Variants in BRF1 observed in about 807,000 individuals in gnomAD.
BRF1 encodes the protein BRF1 general transcription factor IIIB subunit.
A neutral mutation model predicts 81.7 loss-of-function variants in BRF1; 59 were observed. That is an observed-to-expected ratio of 0.72 (90% CI 0.59 to 0.90). BRF1 has a LOEUF of 0.90. Among genes scored for constraint, BRF1 ranks in the 40% least tolerant of loss-of-function variants. The pLI is 0.00. For missense variants in BRF1, 1,050 were observed against 936.3 expected (o/e 1.12, Z -1.58); for synonymous variants, 491 against 395.6 (o/e 1.24, Z -2.86).
At chr14:105,308,472 A>G (rs919548980) in intron 1 of BRF1, among the ~76,000 whole-genome samples, 1 of 148,270 alleles carries the variant, frequency 6.7e-6, no homozygotes, top group Non-Finnish European at 1.5e-5. Flanking sequence ...CGACAGAGGC[A>G]GATTCTGTCT....
rs778728625 is a variant in BRF1, at chr14:105,210,608, T to C, written c.1997-20A>G. 2.5e-6 allele frequency: 4 copies of C among 1,610,704 alleles called. No homozygotes were observed. The highest frequency in any genetic ancestry group is 3.4e-6 in the Non-Finnish European group (4 of 1,179,730). ...CATAGTCTGCAGAAGAGCACAGTCA[T>C]GAAGCCCAGGGTCTCTGTGGGACCC... is the stretch of plus-strand genomic sequence containing the variant. On this transcript the variant is annotated intron_variant, in intron 17 of 17. Transcript: ENST00000547530. This position sits in a 1 kb window ranked among gnomAD's most constrained non-coding sequence, Gnocchi z 4.7.
intron 3 of BRF1, among the ~76,000 whole-genome samples, chr14:105,264,106 T>G (rs1283223474): frequency 3.9e-5 from 6 of 151,978 alleles, no homozygotes; most frequent in Admixed American, 3.9e-4. Context: ...CCACAAATGA[T>G]TCAACTATTT....
At chr14:105,300,228 T>A (rs932489270) in intron 1 of BRF1, among the ~76,000 whole-genome samples, 3 of 152,090 alleles carry the variant, frequency 2.0e-5, no homozygotes, top group Non-Finnish European at 4.4e-5. Flanking sequence ...CCCACGCGTG[T>A]GTCGAGGAAG....
chr14:105,223,953 T>TA (rs1323369930), intron 10 of BRF1, among the ~76,000 whole-genome samples: 1 of 152,218 alleles, frequency 6.6e-6, no homozygotes, highest in African/African-American at 2.4e-5. Context: ...ACTAACCCAA[T>TA]AATGCCGCAC....
At chr14:105,224,295 C>T (rs1461715433) in intron 10 of BRF1, among the ~76,000 whole-genome samples, 1 of 152,144 alleles carries the variant, frequency 6.6e-6, no homozygotes, top group African/African-American at 2.4e-5. Flanking sequence ...CTTCAAACTA[C>T]AGGGTAGAGG....
rs1688406217 is a variant in BRF1, at chr14:105,288,079, A to AC, written c.185-1704dup. On this transcript the variant is annotated intron_variant, in intron 1 of 17. Transcript: ENST00000547530. ...GGGACGGGGGCAGTGCCTGGAGACT[A>AC]CCTAGGTTGTCACAACTGGGATCTA... 7.2e-5 allele frequency among the ~76,000 whole-genome samples: 11 copies of AC among 152,334 alleles called. No individual in the cohort carries two copies. In the South Asian group the frequency reaches 2.3e-3, roughly 32 times the overall value.
At chr14:105,268,348 G>C (rs2056512945) in intron 3 of BRF1, among the ~76,000 whole-genome samples, 1 of 152,248 alleles carries the variant, frequency 6.6e-6, no homozygotes, top group Non-Finnish European at 1.5e-5. Context: ...CAGCCTCCCT[G>C]GGCTGGGAGC....
chr14:105,314,441 C>T (rs1164214395), intron 1 of BRF1: 1 of 148,650 alleles, frequency 6.7e-6, no homozygotes, highest in Non-Finnish European at 1.5e-5. Flanking sequence ...TCTCCCGGCC[C>T]TTGCCCGCGG....
Position 105,220,098 on chromosome 14 carries a change from T to C in BRF1, c.1348A>G (p.Ser450Gly). Reference protein sequence around the residue: ...DASGDGELDLSGIDDLEIDRY... With the variant: ...DASGDGELDLGGIDDLEIDRY... ...TCAATCTCCAGGTCATCAATGCCAC[T>C]GAGGTCCAGCTCACCGTCTCCTGAA... Residue 450 changes from serine to glycine, a missense_variant, in exon 12 of 18, where the codon AGT becomes GGT. By Grantham distance (56) the Ser-to-Gly change is moderately conservative. Transcript: ENST00000547530. The C allele has an allele frequency of 1.9e-6, 3 of 1,613,474 alleles. No homozygotes were observed. Among genetic ancestry groups the C allele is most frequent in the Non-Finnish European group, 2.5e-6 (3 of 1,180,008 alleles).
Position 105,241,341 on chromosome 14 carries a change from A to T in BRF1, c.618T>A (p.Thr206=), listed in dbSNP as rs138161119. The change falls in exon 6 of 18, where the codon ACT becomes ACA. Residue 206 remains threonine, a synonymous_variant. Transcript: ENST00000547530. ...TCATCCTCTGTAGGAGCCTCAGGGC[A>T]GTCATGGACACCTCGTGGTTCTTCT... ...FGEKNHEVSM[T]ALRLLQRMKR... 8.1e-6 allele frequency: 13 copies of T among 1,612,798 alleles called. No homozygotes were observed. Among genetic ancestry groups the T allele is most frequent in the Non-Finnish European group, 1.1e-5 (13 of 1,179,932 alleles).
chr14:105,241,527 GC>G (rs889797111), intron 5 of BRF1, 113 bp from the exon 6 acceptor site: 18 of 1,373,638 alleles, frequency 1.3e-5, no homozygotes, highest in African/African-American at 1.1e-4. Context: ...AGGCCCCCAG[GC>G]CCCCCACCAG....
chr14:105,287,128 G>A (rs2057344039), intron 1 of BRF1, among the ~76,000 whole-genome samples: 1 of 152,210 alleles, frequency 6.6e-6, no homozygotes, highest in Non-Finnish European at 1.5e-5. Context: ...ACTCTACTCC[G>A]AAGCTCTGCC....
chr14:105,209,769 T>C lies in BRF1; in HGVS notation c.*782A>G. ...GCCCGCACTGCCTACAGAGCTATGC[T>C]CAGGACGGGTGGGCGCCGGTCTCAG... is the stretch of plus-strand genomic sequence containing the variant. On this transcript the variant is annotated 3_prime_UTR_variant, in exon 18 of 18. Coordinates refer to ENST00000547530, the MANE Select transcript of BRF1 (RefSeq NM_001519.4). 1.8e-6 allele frequency: 1 copy of C among 557,902 alleles called. No individual in the cohort carries two copies. The highest frequency in any genetic ancestry group is 3.2e-6 in the Non-Finnish European group (1 of 314,962). 34.6% of individuals were successfully genotyped at this position (557,902 alleles called of 1,614,324 possible).
chr14:105,282,332 T>C (rs1394666711), intron 2 of BRF1, among the ~76,000 whole-genome samples: 2 of 152,232 alleles, frequency 1.3e-5, no homozygotes, highest in African/African-American at 2.4e-5. Flanking sequence ...TCGCAGAACA[T>C]GACTGTCGCT....
At chr14:105,294,219 C>T (rs976705002) in intron 1 of BRF1, among the ~76,000 whole-genome samples, 3 of 152,230 alleles carry the variant, frequency 2.0e-5, no homozygotes, top group Admixed American at 6.5e-5. Context: ...CCCGCCGCCT[C>T]GCAGCACTTC....
upstream of BRF1, among the ~76,000 whole-genome samples, chr14:105,301,532 T>TA (rs2058027208): frequency 6.6e-6 from 1 of 151,946 alleles, no homozygotes; most frequent in South Asian, 2.1e-4. Context: ...GCAGCTGCGC[T>TA]GGGGGGCCTG....
chr14:105,219,915 G>A (rs1452551319), intron 12 of BRF1, 154 bp downstream of exon 12: 8 of 792,032 alleles, frequency 1.0e-5, no homozygotes, highest in South Asian at 6.8e-5. Context: ...GGGGGGTCCC[G>A]GGAACAGTGG....
chr14:105,247,059 T>C (rs1350888628), intron 5 of BRF1: 65 of 985,350 alleles, frequency 6.6e-5, no homozygotes, highest in Non-Finnish European at 7.8e-5. Context: ...GGAAACTGCT[T>C]ATGCCCGTTA....
chr14:105,280,645 G>A (rs2057035514), intron 2 of BRF1, among the ~76,000 whole-genome samples: 1 of 151,814 alleles, frequency 6.6e-6, no homozygotes, highest in African/African-American at 2.4e-5. Context: ...TCCTGAGCCT[G>A]CGTGTGCAGG....
Sources: allele counts gnomAD v4.1 joint callset (sites outside exome capture counted in the v4.1 genomes callset), GRCh38; gene constraint gnomAD v4.1.1; non-coding constraint Gnocchi (gnomAD v3.1); transcripts MANE v1.5; gene names NCBI Gene and HGNC (gene_info 2026-07-23, HGNC 2026-07-21).